DLGAP2: variants seen among roughly 807,000 people sequenced by gnomAD.
DLGAP2 encodes the protein DLG associated protein 2.
DLGAP2 carries 26 observed loss-of-function variants against 100.3 expected under a neutral mutation model. The observed-to-expected ratio is 0.26, with a 90% confidence interval of 0.19 to 0.36. The LOEUF (loss-of-function observed/expected upper bound fraction) is 0.36, where lower values mean the gene tolerates loss of function less well. DLGAP2 is among the 10% of genes least tolerant of loss of function. The pLI is 1.00. For synonymous variants in DLGAP2, 886 were observed against 630.1 expected (o/e 1.41, Z -6.08); for missense variants, 1,858 against 1,453.2 (o/e 1.28, Z -4.53).
chr8:1,453,269 G>A (rs1447847779), intron 3 of DLGAP2, among the ~76,000 whole-genome samples: 15 of 152,160 alleles, frequency 9.9e-5, no homozygotes, highest in Non-Finnish European at 1.0e-4. Context: ...GGTCAGGCTG[G>A]GGAGAAGCAG....
At chr8:952,159 C>G (rs953577051) in intron 2 of DLGAP2, among the ~76,000 whole-genome samples, 1 of 152,180 alleles carries the variant, frequency 6.6e-6, no homozygotes, top group South Asian at 2.1e-4. Context: ...ATGGAACCAC[C>G]TTGTAAAATA....
intron 1 of DLGAP2, among the ~76,000 whole-genome samples, chr8:759,273 GCCTCCCCATTATCAATACCCCCC>G (rs1563415791): frequency 1.3e-4 from 18 of 137,628 alleles, no homozygotes; most frequent in Non-Finnish European, 2.2e-4. Flanking sequence ...ACCCCCCACA[GCCTCCCCATTATCAATACCCCCC>G]ACAGCCTCCC....
At chr8:1,640,697 C>G (rs1797876796) in intron 8 of DLGAP2, among the ~76,000 whole-genome samples, 1 of 152,152 alleles carries the variant, frequency 6.6e-6, no homozygotes, top group African/African-American at 2.4e-5. Context: ...CATGAGACCC[C>G]ATTACGGGCC....
rs576166419 is a variant in DLGAP2, at chr8:1,204,833, AG to A, written c.74-54016del. Among the ~76,000 whole-genome samples the A allele has an allele frequency of 9.8e-5, 15 of 152,328 alleles. No individual in the cohort carries two copies. The East Asian group carries it at 2.7e-3, about 27-fold the overall frequency. On this transcript the variant is annotated intron_variant, in intron 2 of 14. Coordinates refer to ENST00000637795, the MANE Select transcript of DLGAP2 (RefSeq NM_001346810.2). ...AAAGAGAGAGAAGCTTAGATTTATGAGGCTGAACTAAATTACAGATGGCCTT... is the reference window on the plus strand; with the variant it reads ...AAAGAGAGAGAAGCTTAGATTTATGAGCTGAACTAAATTACAGATGGCCTT...
At chr8:1,289,151 C>G (rs1049303735) in intron 3 of DLGAP2, among the ~76,000 whole-genome samples, 13 of 152,128 alleles carry the variant, frequency 8.5e-5, no homozygotes, top group African/African-American at 3.1e-4. Context: ...CTGGAGAAAG[C>G]CAATGTCTGC....
chr8:1,573,847 T>C (rs1260531154), intron 6 of DLGAP2, among the ~76,000 whole-genome samples: 1 of 152,182 alleles, frequency 6.6e-6, no homozygotes, highest in East Asian at 1.9e-4. Context: ...CCTAGAATAC[T>C]TACATCTGGG....
chr8:1,225,423 C>G (rs952954402), intron 2 of DLGAP2, among the ~76,000 whole-genome samples: 1 of 152,160 alleles, frequency 6.6e-6, no homozygotes, highest in Non-Finnish European at 1.5e-5. Context: ...AGCGGCAGAA[C>G]AGAGAGGAGA....
chr8:908,174 T>C (rs1044030487), intron 2 of DLGAP2, among the ~76,000 whole-genome samples: 2 of 152,244 alleles, frequency 1.3e-5, no homozygotes, highest in Non-Finnish European at 2.9e-5. Context: ...GAGATCTGTT[T>C]TTATTTGACA....
At chr8:1,689,340 C>G (rs959211023) in intron 12 of DLGAP2, among the ~76,000 whole-genome samples, 2 of 152,210 alleles carry the variant, frequency 1.3e-5, no homozygotes, top group Non-Finnish European at 2.9e-5. Context: ...CCTTGAGCTC[C>G]AAGCACCTGC....
intron 6 of DLGAP2, among the ~76,000 whole-genome samples, chr8:1,587,222 G>A (rs1280164006): frequency 6.6e-6 from 1 of 152,138 alleles, no homozygotes; most frequent in Admixed American, 6.5e-5. Flanking sequence ...TTCATCTATA[G>A]GAACTATTTA....
chr8:1,422,881 G>T (rs927807424), intron 3 of DLGAP2, among the ~76,000 whole-genome samples: 1 of 152,150 alleles, frequency 6.6e-6, no homozygotes, highest in East Asian at 1.9e-4. Context: ...GAATCAAGCG[G>T]TGTGAGGCCT....
intron 4 of DLGAP2, among the ~76,000 whole-genome samples, chr8:1,506,275 T>G (rs142398508): frequency 6.6e-6 from 1 of 152,356 alleles, no homozygotes; most frequent in Non-Finnish European, 1.5e-5. Context: ...ACTTGTCATT[T>G]TATCGTCCAT....
Position 1,410,410 on chromosome 8 carries a change from G to A in DLGAP2, c.107-90956G>A, listed in dbSNP as rs116244588. Reference sequence around the variant, plus strand: ...CTGACCCCTTTGAAATACTCGCTGAGTGCTTCCTTTTTATTCTCTCCCCTC... The same window carrying A: ...CTGACCCCTTTGAAATACTCGCTGAATGCTTCCTTTTTATTCTCTCCCCTC... On this transcript the variant is annotated intron_variant, in intron 3 of 14. Transcript: ENST00000637795. Among the ~76,000 whole-genome samples, 908 of 152,334 alleles carry A rather than the reference G, an allele frequency of 6.0e-3. 11 individuals carry two copies. Among genetic ancestry groups the A allele is most frequent in the African/African-American group, 0.02 (835 of 41,584 alleles).
intron 2 of DLGAP2, among the ~76,000 whole-genome samples, chr8:1,029,759 G>A (rs1340158228): frequency 3.3e-5 from 5 of 152,206 alleles, no homozygotes; most frequent in Non-Finnish European, 5.9e-5. Context: ...GAAAGTCAAA[G>A]GGGGATGGAG....
chr8:1,184,439 T>A (rs1342650247), intron 2 of DLGAP2, among the ~76,000 whole-genome samples: 2 of 152,206 alleles, frequency 1.3e-5, no homozygotes, highest in African/African-American at 2.4e-5. Flanking sequence ...GCATCCCGTG[T>A]GAAGGAGACG....
At chr8:898,410 G>C (rs1476304123) in intron 1 of DLGAP2, among the ~76,000 whole-genome samples, 1 of 152,200 alleles carries the variant, frequency 6.6e-6, no homozygotes, top group Admixed American at 6.5e-5. Flanking sequence ...GTCATTGGCC[G>C]GGGCAGCGAT....
At chr8:1,155,761 C>T (rs1354131213) in intron 2 of DLGAP2, among the ~76,000 whole-genome samples, 1 of 152,128 alleles carries the variant, frequency 6.6e-6, no homozygotes, top group South Asian at 2.1e-4. Context: ...GGGCCTTGGT[C>T]GGTGGGGCTG....
At chr8:1,700,173 C>T (rs1208978096) in intron 14 of DLGAP2, among the ~76,000 whole-genome samples, 1 of 152,212 alleles carries the variant, frequency 6.6e-6, no homozygotes, top group Non-Finnish European at 1.5e-5. Context: ...GCCTGTCTTC[C>T]CCCAATCTAC....
intron 12 of DLGAP2, among the ~76,000 whole-genome samples, chr8:1,690,676 C>T (rs1370502739): frequency 7.5e-6 from 1 of 133,076 alleles, no homozygotes; most frequent in African/African-American, 2.9e-5. Flanking sequence ...TCCACTCCAG[C>T]CTGGGCGATA....
Sources: gnomAD v4.1 joint callset for allele counts (sites outside exome capture counted in the v4.1 genomes callset) on GRCh38, gnomAD v4.1.1 for gene constraint, MANE v1.5 for transcripts, NCBI Gene and HGNC (gene_info 2026-07-23, HGNC 2026-07-21) for gene names.